SLC24A3: variants seen among roughly 807,000 people sequenced by gnomAD.
SLC24A3 encodes the protein sodium/potassium/calcium exchanger 3.
In SLC24A3, 28 loss-of-function variants were observed where a neutral mutation model predicts 75.8. That is an observed-to-expected ratio of 0.37 (90% CI 0.27 to 0.51). SLC24A3 has a LOEUF of 0.51. SLC24A3 is among the 20% of genes least tolerant of loss of function. SLC24A3 has a pLI of 0.94. For missense variants in SLC24A3, 663 were observed against 847.8 expected, an observed-to-expected ratio of 0.78 and a Z score of 2.71; for synonymous variants, 372 against 334.1, an observed-to-expected ratio of 1.11 and a Z score of -1.24.
intron 3 of SLC24A3, among the ~76,000 whole-genome samples, chr20:19,527,219 T>A (rs6035365): frequency 0.74 from 112,146 of 152,020 alleles, 41,772 homozygotes; most frequent in Non-Finnish European, 0.78. Context: ...TTCCCACTTT[T>A]CTTTGTTGCT....
chr20:19,572,284 T>C (rs1243828176), intron 3 of SLC24A3, among the ~76,000 whole-genome samples: 2 of 152,128 alleles, frequency 1.3e-5, no homozygotes, highest in East Asian at 1.9e-4. Context: ...AGTTTGAGGC[T>C]ACAGTGAGTT....
chr20:19,567,495 G>T (rs778480975), intron 3 of SLC24A3, among the ~76,000 whole-genome samples: 1 of 152,128 alleles, frequency 6.6e-6, no homozygotes, highest in Non-Finnish European at 1.5e-5. Context: ...ACAGACACTG[G>T]GACCTACTTG....
intron 2 of SLC24A3, among the ~76,000 whole-genome samples, chr20:19,376,988 G>C (rs1287463125): frequency 6.6e-6 from 1 of 152,176 alleles, no homozygotes; most frequent in Non-Finnish European, 1.5e-5. Flanking sequence ...AAATGCCACC[G>C]GCCTGTCCAT....
At chr20:19,709,735 G>C (rs1270065009) in intron 15 of SLC24A3, among the ~76,000 whole-genome samples, 3 of 152,154 alleles carry the variant, frequency 2.0e-5, no homozygotes, top group Non-Finnish European at 4.4e-5. Context: ...ACAACAAAAA[G>C]TGAGAATTTA....
intron 2 of SLC24A3, among the ~76,000 whole-genome samples, chr20:19,485,546 C>A (rs1401689793): frequency 6.6e-6 from 1 of 152,210 alleles, no homozygotes; most frequent in Non-Finnish European, 1.5e-5. Flanking sequence ...CTGGGGACTT[C>A]ATTCCTTCTT....
intron 8 of SLC24A3, among the ~76,000 whole-genome samples, chr20:19,670,197 G>A (rs563083456): frequency 6.6e-4 from 100 of 152,046 alleles, no homozygotes; most frequent in African/African-American, 2.4e-3. Flanking sequence ...TCACCACACT[G>A]AGGAGAGGGG....
At chr20:19,489,162 C>T (rs1988170334) in intron 2 of SLC24A3, among the ~76,000 whole-genome samples, 2 of 152,172 alleles carry the variant, frequency 1.3e-5, no homozygotes, top group Non-Finnish European at 2.9e-5. Context: ...TATAATTTCT[C>T]AAGAGAAAAG....
At chr20:19,423,449 G>A (rs1986950224) in intron 2 of SLC24A3, among the ~76,000 whole-genome samples, 1 of 152,204 alleles carries the variant, frequency 6.6e-6, no homozygotes, top group Non-Finnish European at 1.5e-5. Flanking sequence ...AACTTTGCAG[G>A]ATGCTTTCCT....
chr20:19,349,669 T>G (rs149597319), intron 2 of SLC24A3, among the ~76,000 whole-genome samples: 130 of 152,312 alleles, frequency 8.5e-4, no homozygotes, highest in Non-Finnish European at 1.6e-3. Context: ...AGGATGGAGC[T>G]TCAGTTGCCC....
intron 13 of SLC24A3, among the ~76,000 whole-genome samples, chr20:19,696,104 AC>A (rs1459707850): frequency 1.4e-5 from 2 of 140,294 alleles, no homozygotes; most frequent in Non-Finnish European, 3.0e-5. Flanking sequence ...CGCAGCCTGA[AC>A]CTCCTGGGCT....
chr20:19,280,513 C>T (rs531415563), intron 1 of SLC24A3, among the ~76,000 whole-genome samples: 4 of 152,232 alleles, frequency 2.6e-5, no homozygotes, highest in Admixed American at 2.0e-4. Flanking sequence ...TTCCGAATAC[C>T]ATTTTCAATG....
intron 4 of SLC24A3, among the ~76,000 whole-genome samples, chr20:19,583,504 A>G (rs2031249250): frequency 6.6e-6 from 1 of 152,130 alleles, no homozygotes; most frequent in Admixed American, 6.5e-5. Flanking sequence ...CAAGAAGACT[A>G]GAGTCCTGTG....
intron 2 of SLC24A3, among the ~76,000 whole-genome samples, chr20:19,421,926 A>G (rs1338460132): frequency 6.6e-6 from 1 of 152,164 alleles, no homozygotes; most frequent in Non-Finnish European, 1.5e-5. Flanking sequence ...GGCTGTCTCA[A>G]TACAAGATGT....
At chr20:19,473,149 T>C (rs1160909682) in intron 2 of SLC24A3, among the ~76,000 whole-genome samples, 1 of 152,238 alleles carries the variant, frequency 6.6e-6, no homozygotes, top group Non-Finnish European at 1.5e-5. Context: ...AAGCCAAAGA[T>C]CTTGCTCCTG....
chr20:19,380,962 A>G (rs1229877475), intron 2 of SLC24A3, among the ~76,000 whole-genome samples: 2 of 152,212 alleles, frequency 1.3e-5, no homozygotes, highest in African/African-American at 2.4e-5. Context: ...TAGCCAGGCC[A>G]GGACACATAG....
intron 2 of SLC24A3, among the ~76,000 whole-genome samples, chr20:19,491,830 C>T (rs1448965476): frequency 6.6e-6 from 1 of 152,228 alleles, no homozygotes; most frequent in Non-Finnish European, 1.5e-5. Context: ...CCCACAGGTA[C>T]TCAGTGTGAA....
chr20:19,597,677 C>T (rs1371938511), intron 6 of SLC24A3, among the ~76,000 whole-genome samples: 2 of 152,078 alleles, frequency 1.3e-5, no homozygotes, highest in Admixed American at 6.6e-5. Context: ...TTCTTTTTAC[C>T]TAATTGTATG....
chr20:19,454,414 T>C (rs1987544125), intron 2 of SLC24A3, among the ~76,000 whole-genome samples: 1 of 152,220 alleles, frequency 6.6e-6, no homozygotes, highest in South Asian at 2.1e-4. Flanking sequence ...GATTTCATTG[T>C]AGGATTTGCA....
chr20:19,653,662 C>T (rs1205997293), intron 6 of SLC24A3, among the ~76,000 whole-genome samples: 1 of 152,114 alleles, frequency 6.6e-6, no homozygotes, highest in Non-Finnish European at 1.5e-5. Context: ...ATGTGAGACT[C>T]CTCTGATAGG....
Sources: allele counts gnomAD v4.1 joint callset (sites outside exome capture counted in the v4.1 genomes callset), GRCh38; gene constraint gnomAD v4.1.1; transcripts MANE v1.5; gene names NCBI Gene and HGNC (gene_info 2026-07-23, HGNC 2026-07-21).